Variants in NR4A1 observed in about 807,000 individuals in gnomAD.
The protein encoded by NR4A1 is nuclear receptor subfamily 4 group A member 1.
Under a neutral mutation model 47.5 loss-of-function variants are expected in NR4A1, and 24 were observed. That is an observed-to-expected ratio of 0.50 (90% CI 0.37 to 0.71). The LOEUF is 0.71. Ranked by LOEUF, NR4A1 falls within the 30% of genes least tolerant of loss-of-function variation. The probability of loss-of-function intolerance (pLI) is 0.00; values close to 1 mark genes in which losing one functional copy is unlikely to be tolerated. For missense variants in NR4A1, 669 were observed against 788.6 expected (o/e 0.85, Z 1.82); for synonymous variants, 353 against 345.7 (o/e 1.02, Z -0.24).
chr12:52,037,058 A>T (rs1487868572), intron 1 of NR4A1: 2 of 150,858 alleles, frequency 1.3e-5, no homozygotes, highest in African/African-American at 4.9e-5. Flanking sequence ...AGCCCCATTG[A>T]TGAGGCTGCG....
chr12:52,028,359 A>C (rs1938045083), intron 1 of NR4A1, among the ~76,000 whole-genome samples: 1 of 151,856 alleles, frequency 6.6e-6, no homozygotes, highest in South Asian at 2.1e-4. Flanking sequence ...GCAGATCATG[A>C]GGTCAAGTGA....
intron 1 of NR4A1, chr12:52,041,703 C>T: frequency 2.5e-6 from 3 of 1,190,886 alleles, no homozygotes; most frequent in East Asian, 3.1e-5. Context: ...CTCTTGTGGC[C>T]TAGGTCCTGC....
At chr12:52,041,759 A>G in intron 1 of NR4A1, 1 of 1,259,170 alleles carries the variant, frequency 7.9e-7, no homozygotes, top group East Asian at 3.1e-5. Context: ...TCTCCAGGGA[A>G]TGTGCCTGCT....
chr12:52,038,861 G>T, intron 1 of NR4A1: 2 of 678,038 alleles, frequency 2.9e-6, no homozygotes, highest in South Asian at 3.1e-5. Context: ...CAGGCCCTGT[G>T]CCTGGCTCAA....
rs1555168681 is a variant in NR4A1 at position 52,052,305 on chromosome 12, G to GAGAA, written c.-3+740_-3+741insAAGA. 1.6e-4 allele frequency among the ~76,000 whole-genome samples: 18 copies of GAGAA among 111,636 alleles called. No homozygotes were observed. The South Asian group carries it at 2.0e-3, about 13-fold the overall frequency. The allele number at this position is 111,636 out of a possible 152,430, so 73.2% of individuals were successfully genotyped here. ...TGTGTGTGTGTGTGTGTGTGTGTGT[G>GAGAA]AGAGAGAGAGAGAGAGAGAGAGAAA... On this transcript the variant is annotated intron_variant, in intron 1 of 6. Transcript: ENST00000394825.
chr12:52,054,194 C>T (rs1447713367), intron 1 of NR4A1, 133 bp from the exon 2 acceptor site: 3 of 742,846 alleles, frequency 4.0e-6, no homozygotes, highest in South Asian at 1.9e-5. Context: ...GCTCTGGTCC[C>T]GGTGCCTCTG....
intron 2 of NR4A1, 45 bp from the exon 3 acceptor site, chr12:52,055,974 TCCCCCCTCCCC>T: frequency 1.9e-6 from 1 of 516,354 alleles, no homozygotes; most frequent in Non-Finnish European, 3.2e-6. Context: ...TCCCCTAAGT[TCCCCCCTCCCC>T]ACCCCACACT....
chr12:52,029,688 A>AAAAAACAAAAAC (rs71092743), intron 1 of NR4A1, among the ~76,000 whole-genome samples: 127,939 of 151,638 alleles, frequency 0.84, 54,729 homozygotes, highest in African/African-American at 0.93. Flanking sequence ...ACCCTGTCTC[A>AAAAAACAAAAAC]AAAAACAAAA....
chr12:52,052,628 C>T (rs149292649), intron 1 of NR4A1: 31 of 985,658 alleles, frequency 3.1e-5, no homozygotes, highest in African/African-American at 8.7e-5. Context: ...ACTGCTCCCC[C>T]CTCCTGTGAG....
At chr12:52,023,423 A>G (rs1729651970) in intron 1 of NR4A1, among the ~76,000 whole-genome samples, 1 of 152,092 alleles carries the variant, frequency 6.6e-6, no homozygotes, top group South Asian at 2.1e-4. Context: ...CTTTGCTGGG[A>G]TCTGGGAAGG....
In NR4A1 at chr12:52,045,446, G is replaced by T. The variant is rs148998220; in HGVS notation, c.37+3517G>T. ...TCCCTGTGCCCTGGAGGTACTGCCT[G>T]CCTCCCGACTTCCACCCTCACTTGC... On this transcript the variant is annotated intron_variant, in intron 2 of 7. Transcript: ENST00000360284. 2.0e-3 allele frequency: 890 copies of T among 436,982 alleles called. 7 individuals are homozygous for T. The highest frequency in any genetic ancestry group is 0.017 in the African/African-American group (846 of 49,916). 27.1% of individuals were successfully genotyped at this position (436,982 alleles called of 1,614,324 possible). A position where few individuals can be genotyped will look rare whatever the true frequency, so the allele number is the denominator to read the frequency against.
chr12:52,057,502 C>G lies in NR4A1; in HGVS notation c.1512C>G (p.Ala504=). 1.2e-6 allele frequency: 2 copies of G among 1,614,156 alleles called. No homozygotes were observed. The highest frequency in any genetic ancestry group is 1.7e-6 in the Non-Finnish European group (2 of 1,180,046). The change falls in exon 6 of 7, where the codon GCC becomes GCG. Residue 504 remains alanine, a synonymous_variant. Transcript: ENST00000394825. The part of the protein sequence containing the change: ...HSLLVDVPAF[A]CLSALVLITD... Reference sequence around the variant, plus strand: ...TGCTTGTCGATGTCCCTGCCTTCGCCTGCCTCTCTGCCCTTGTCCTCATCA... The same window carrying G: ...TGCTTGTCGATGTCCCTGCCTTCGCGTGCCTCTCTGCCCTTGTCCTCATCA...
upstream of NR4A1, among the ~76,000 whole-genome samples, chr12:52,047,361 TC>T (rs1938690056): frequency 1.3e-5 from 2 of 152,210 alleles, no homozygotes; most frequent in African/African-American, 4.8e-5. Context: ...CAGGCCATTC[TC>T]CCTTGAGGGC....
At chr12:52,054,259 T>G in intron 1 of NR4A1, 68 bp from the exon 2 acceptor site, 1 of 1,374,682 alleles carries the variant, frequency 7.3e-7, no homozygotes, top group South Asian at 1.4e-5. Context: ...CCCAAATACT[T>G]TGAGACAAGG....
chr12:52,037,663 GT>G (rs1044426214), intron 1 of NR4A1: 1 of 985,378 alleles, frequency 1.0e-6, no homozygotes, highest in African/African-American at 1.7e-5. Flanking sequence ...CAAGGGTGGG[GT>G]TTGGCCCACG....
At chr12:52,040,297 C>G (rs918148697) in intron 1 of NR4A1, among the ~76,000 whole-genome samples, 2 of 152,218 alleles carry the variant, frequency 1.3e-5, no homozygotes, top group Admixed American at 6.5e-5. Flanking sequence ...TGGGCACCAC[C>G]TGGTGCCAAA....
chr12:52,031,134 G>A (rs1282980028), intron 1 of NR4A1, among the ~76,000 whole-genome samples: 3 of 152,010 alleles, frequency 2.0e-5, no homozygotes, highest in South Asian at 4.2e-4. Flanking sequence ...TCTCACCTCC[G>A]CCCTGAAGTA....
Position 52,057,095 on chromosome 12 carries a change from T to C in NR4A1, c.1197T>C (p.Asp399=). 1 of 1,611,540 alleles carries C rather than the reference T, an allele frequency of 6.2e-7. No individual in the cohort carries two copies. The highest frequency in any genetic ancestry group is 8.5e-7 in the Non-Finnish European group (1 of 1,178,814). The change falls in exon 5 of 7, where the codon GAT becomes GAC. Residue 399 remains aspartate (D), a synonymous_variant. Transcript: ENST00000394825. ...TGCTGCCCCACTTTGGGAAGGAAGA[T>C]GCTGGGGATGTACAGCAGTTCTACG... The part of the protein sequence containing the change: ...ELVLPHFGKE[D]AGDVQQFYDL...
Position 52,054,598 on chromosome 12 carries a change from G to C in NR4A1, c.270G>C (p.Ser90=). ...CCTCCTCGGCCTCCTCCACATCCTC[G>C]TCCTCAGCCACCTCCCCTGCCTCTG... ...SASSSASSTS[S]SSATSPASAS... Residue 90 remains serine, a synonymous_variant, in exon 2 of 7, where the codon TCG becomes TCC. Coordinates refer to ENST00000394825, the MANE Select transcript of NR4A1 (RefSeq NM_173157.3). 3 of 1,614,070 alleles carry C rather than the reference G, an allele frequency of 1.9e-6. No individual in the cohort carries two copies. Among genetic ancestry groups the C allele is most frequent in the Non-Finnish European group, 2.5e-6 (3 of 1,180,004 alleles).
Sources: gnomAD v4.1 joint callset for allele counts (sites outside exome capture counted in the v4.1 genomes callset) on GRCh38, gnomAD v4.1.1 for gene constraint, MANE v1.5 for transcripts, NCBI Gene and HGNC (gene_info 2026-07-23, HGNC 2026-07-21) for gene names.